The following XPO5 variants were observed in gnomAD, a reference collection of about 807,000 sequenced individuals.
XPO5 encodes the protein exportin 5.
In XPO5, 46 loss-of-function variants were observed where a neutral mutation model predicts 160.6. The observed-to-expected ratio is 0.29, with a 90% CI of 0.23 to 0.37. The LOEUF (loss-of-function observed/expected upper bound fraction) is 0.37. XPO5 is among the 10% of genes least tolerant of loss of function. The pLI is 1.00. For synonymous variants in XPO5, 537 were observed against 519.3 expected (o/e 1.03, Z -0.46); for missense variants, 1,090 against 1,463.9 (o/e 0.74, Z 4.17).
At chr6:43,563,155 C>T (rs1762498254) in intron 8 of XPO5, among the ~76,000 whole-genome samples, 2 of 152,006 alleles carry the variant, frequency 1.3e-5, no homozygotes, top group African/African-American at 4.8e-5. Context: ...GACACGATCT[C>T]GCTGTCACAC....
chr6:43,536,787 A>AAAAAG (rs1561869430), intron 20 of XPO5, among the ~76,000 whole-genome samples: 6 of 148,548 alleles, frequency 4.0e-5, no homozygotes, highest in African/African-American at 1.5e-4. Context: ...AAAAAAAAAA[A>AAAAAG]AAAGCAGCTT....
At chr6:43,533,883 GA>G in intron 21 of XPO5, 23 bp downstream of exon 21, 1 of 1,542,104 alleles carries the variant, frequency 6.5e-7, no homozygotes, top group African/African-American at 1.4e-5. Flanking sequence ...TAAACCTTAG[GA>G]GAAAAAAGGT....
chr6:43,563,941 G>A (rs1200108520), intron 8 of XPO5, among the ~76,000 whole-genome samples: 1 of 152,122 alleles, frequency 6.6e-6, no homozygotes, highest in African/African-American at 2.4e-5. Context: ...TATTTATTTA[G>A]AGATGGAGTC....
intron 25 of XPO5, 52 bp downstream of exon 25, chr6:43,528,107 C>T: frequency 6.4e-7 from 1 of 1,551,944 alleles, no homozygotes; most frequent in Non-Finnish European, 8.7e-7. Context: ...TTTCCCACCC[C>T]AAACCTGGCT....
At chr6:43,565,762 G>A (rs1213409741) in intron 7 of XPO5, 26 bp from the exon 8 acceptor site, 2 of 1,555,562 alleles carry the variant, frequency 1.3e-6, no homozygotes, top group Admixed American at 1.9e-5. Context: ...GGGAAACATA[G>A]TCATATAAAC....
rs917482354 is a variant in XPO5, at chr6:43,529,151, C to T, written c.2678-226G>A. 5.2e-6 allele frequency: 7 copies of T among 1,355,922 alleles called. No individual in the cohort carries two copies. The Admixed American group carries it at 1.2e-4, about 24-fold the overall frequency. The allele number at this position is 1,355,922 out of a possible 1,614,324, so 84.0% of individuals were successfully genotyped here. On this transcript the variant is annotated intron_variant, in intron 23 of 31. Coordinates refer to ENST00000265351, the MANE Select transcript of XPO5 (RefSeq NM_020750.3). The stretch of plus-strand genomic sequence containing the variant: ...GTTTAGCTGCATTTCCGTCAGGCTG[C>T]ACATTATGGTCACTGGCCCAAAAAG...
At chr6:43,562,176 T>C (rs897048925) in intron 9 of XPO5, 71 bp downstream of exon 9, 154 of 1,300,610 alleles carry the variant, frequency 1.2e-4, no homozygotes, top group Non-Finnish European at 1.4e-4. Flanking sequence ...CAACCCCTCA[T>C]TGAAACATAA....
rs1165450859 is a variant in XPO5 at position 43,524,522 on chromosome 6, A to C, written c.3426T>G (p.Ala1142=). 8 of 1,613,940 alleles carry C rather than the reference A, an allele frequency of 5.0e-6. No individual in the cohort carries two copies. The highest frequency in any genetic ancestry group is 6.8e-6 in the Non-Finnish European group (8 of 1,179,888). ...KLLNPSLQKV[A]DKRRKDQFKR... ...TGAATTGGTCCTTTCGGCGCTTGTC[A>C]GCCACTTTCTGCAGGGAGGGGTTTA... The change falls in exon 31 of 32, where the codon GCT becomes GCG. Residue 1142 remains alanine, a synonymous_variant. Coordinates refer to ENST00000265351, the MANE Select transcript of XPO5 (RefSeq NM_020750.3).
rs1433871648 is a variant in XPO5 at position 43,576,026 on chromosome 6, C to T, written c.-162G>A. The T allele has an allele frequency of 3.4e-6, 2 of 592,780 alleles. No individual in the cohort carries two copies. Among genetic ancestry groups the T allele is most frequent in the Non-Finnish European group, 5.6e-6 (2 of 354,204 alleles). The allele number at this position is 592,780 out of a possible 1,614,324, so 36.7% of individuals were successfully genotyped here. A position where few individuals can be genotyped will look rare whatever the true frequency, so the allele number is the denominator to read the frequency against. On this transcript the variant is annotated 5_prime_UTR_variant, in exon 1 of 32. Coordinates refer to ENST00000265351, the MANE Select transcript of XPO5 (RefSeq NM_020750.3). The stretch of plus-strand genomic sequence containing the variant: ...GCAGCAACTCGCGCTGGGAAGAAGC[C>T]GGCGCTGCGCACGCGCCCGGCCCGC...
In XPO5 at chr6:43,555,823, G is replaced by C; in HGVS notation, c.1441+13C>G. On this transcript the variant is annotated intron_variant, in intron 13 of 31. Transcript: ENST00000265351. ...TAACATTTCACTAACATTCAGTAATGAAAAAAACTTACAATTCACAGAACC... is the reference window on the plus strand; with the variant it reads ...TAACATTTCACTAACATTCAGTAATCAAAAAAACTTACAATTCACAGAACC... The C allele has an allele frequency of 6.2e-7, 1 of 1,613,556 alleles. No homozygotes were observed. Among genetic ancestry groups the C allele is most frequent in the South Asian group, 1.1e-5 (1 of 91,052 alleles).
In XPO5 at chr6:43,560,250, G is replaced by T. The variant is rs1190859232; in HGVS notation, c.1149C>A (p.Ile383=). The T allele has an allele frequency of 1.2e-6, 2 of 1,612,240 alleles. No individual in the cohort carries two copies. The highest frequency in any genetic ancestry group is 1.1e-5 in the South Asian group (1 of 90,696). The change falls in exon 11 of 32, where the codon ATC becomes ATA. Residue 383 remains isoleucine, a synonymous_variant. Coordinates refer to ENST00000265351, the MANE Select transcript of XPO5 (RefSeq NM_020750.3). ...CTAATAGCAAAGGATCACGGGACAG[G>T]ATTTCATGCCTGAAGAGGGCTCCCC... ...MTWGALFRHE[I]LSRDPLLLAI...
intron 15 of XPO5, chr6:43,550,993 G>C (rs1201782592): frequency 5.1e-6 from 1 of 195,550 alleles, no homozygotes; most frequent in Non-Finnish European, 1.0e-5. Context: ...TGAGGCACTA[G>C]CATGGTACCT....
At chr6:43,568,616 C>G in intron 6 of XPO5, 95 bp downstream of exon 6, 1 of 1,157,360 alleles carries the variant, frequency 8.6e-7, no homozygotes, top group Non-Finnish European at 1.2e-6. Context: ...AACAATACAA[C>G]ACAAGCAAGG....
chr6:43,572,646 T>C, intron 2 of XPO5, 68 bp from the exon 3 acceptor site: 2 of 1,464,424 alleles, frequency 1.4e-6, no homozygotes, highest in Non-Finnish European at 1.9e-6. Flanking sequence ...GAGAATAGCA[T>C]GGATTTCTAC....
chr6:43,564,093 T>C lies in XPO5; in HGVS notation c.911+1567A>G, dbSNP rs865873300. Among the ~76,000 whole-genome samples, 6 of 152,264 alleles carry C rather than the reference T, an allele frequency of 3.9e-5. 1 individual carries two copies. The Middle Eastern group carries it at 0.02, about 518-fold the overall frequency. On this transcript the variant is annotated intron_variant, in intron 8 of 31. Transcript: ENST00000265351. ...TGCACCACCACGCCCGGCTAATTTTTGTACTTTTAGTAGAGATGGGGTTTC... is the reference window on the plus strand; with the variant it reads ...TGCACCACCACGCCCGGCTAATTTTCGTACTTTTAGTAGAGATGGGGTTTC...
In XPO5 at chr6:43,547,630, G is replaced by T; in HGVS notation, c.2138C>A (p.Pro713Gln). The part of the protein sequence containing the change: ...QKSCDPGLED[P>Q]CGLNRARMSF... ...TACTCGTGCACGGTTTAAGCCACAC[G>T]GATCCTCCAGGCCTGGGTCACAGCT... is the stretch of plus-strand genomic sequence containing the variant. Residue 713 changes from proline (P) to glutamine (Q), a missense_variant, in exon 19 of 32, where the codon CCG (proline) becomes CAG (glutamine). Coordinates refer to ENST00000265351, the MANE Select transcript of XPO5 (RefSeq NM_020750.3). 1 of 1,613,948 alleles carries T rather than the reference G, an allele frequency of 6.2e-7. No individual in the cohort carries two copies. Among genetic ancestry groups the T allele is most frequent in the Non-Finnish European group, 8.5e-7 (1 of 1,179,870 alleles).
rs77655645 is a variant in XPO5, at chr6:43,526,478, A to G, written c.2983+207T>C. 25,627 of 590,422 alleles carry G rather than the reference A, an allele frequency of 0.043. 838 individuals are homozygous for G. Among genetic ancestry groups the G allele is most frequent in the African/African-American group, 0.11 (5,829 of 53,800 alleles). 36.6% of individuals were successfully genotyped at this position (590,422 alleles called of 1,614,324 possible). ...AAGATCACATATATGGTTGGGAGGA[A>G]ATCATCTGAGACAGAGGAAACAGCA... On this transcript the variant is annotated intron_variant, in intron 27 of 31. Transcript: ENST00000265351.
At chr6:43,528,979 CA>C (rs1793774327) in intron 23 of XPO5, 54 bp from the exon 24 acceptor site, 3 of 1,536,748 alleles carry the variant, frequency 2.0e-6, no homozygotes, top group Non-Finnish European at 2.7e-6. Flanking sequence ...TCTCACCTGC[CA>C]GGTGGTGGGT....
intron 1 of XPO5, among the ~76,000 whole-genome samples, chr6:43,574,850 C>A (rs1274018702): frequency 6.6e-6 from 1 of 151,846 alleles, no homozygotes; most frequent in Non-Finnish European, 1.5e-5. Flanking sequence ...CTAATGGAAC[C>A]CAATTGTTTC....
Sources: gnomAD v4.1 joint callset for allele counts (sites outside exome capture counted in the v4.1 genomes callset) on GRCh38, gnomAD v4.1.1 for gene constraint, MANE v1.5 for transcripts, NCBI Gene and HGNC (gene_info 2026-07-23, HGNC 2026-07-21) for gene names.